The following SMURF1 variants were observed in gnomAD, a reference collection of about 807,000 sequenced individuals.
SMURF1 encodes SMAD specific E3 ubiquitin protein ligase 1, also known as E3 ubiquitin-protein ligase SMURF1.
In SMURF1, 44 loss-of-function variants were observed where a neutral mutation model predicts 98.0. That is an observed-to-expected ratio of 0.45 (90% CI 0.35 to 0.58). SMURF1 has a LOEUF of 0.58. Ranked by LOEUF, SMURF1 falls within the 20% of genes least tolerant of loss-of-function variation. The pLI is 0.00. For synonymous variants in SMURF1, 396 were observed against 374.9 expected, an observed-to-expected ratio of 1.06 and a Z score of -0.65; for missense variants, 687 against 938.4, an observed-to-expected ratio of 0.73 and a Z score of 3.50.
chr7:99,065,311 C>T (rs1334315036), intron 1 of SMURF1, among the ~76,000 whole-genome samples: 1 of 152,096 alleles, frequency 6.6e-6, no homozygotes, highest in Non-Finnish European at 1.5e-5. Flanking sequence ...GGGTCTGAAA[C>T]TCCTGGGTTC....
intron 1 of SMURF1, among the ~76,000 whole-genome samples, chr7:99,086,395 TAAA>T (rs55763626): frequency 2.8e-5 from 4 of 142,680 alleles, no homozygotes; most frequent in Non-Finnish European, 3.0e-5. Flanking sequence ...CTAAGATAGT[TAAA>T]AAAAAAAAAA....
intron 13 of SMURF1, among the ~76,000 whole-genome samples, chr7:99,039,613 C>T (rs1795296056): frequency 6.6e-6 from 1 of 152,134 alleles, no homozygotes; most frequent in Admixed American, 6.6e-5. Context: ...AGTGATCCAC[C>T]CACCTCGGCC....
At chr7:99,065,187 C>A (rs1178855190) in intron 1 of SMURF1, among the ~76,000 whole-genome samples, 1 of 151,890 alleles carries the variant, frequency 6.6e-6, no homozygotes, top group Admixed American at 6.6e-5. Context: ...TTGAGCTTCC[C>A]AGGCTCAGGT....
At chr7:99,136,613 T>C (rs904968071) in intron 1 of SMURF1, among the ~76,000 whole-genome samples, 18 of 152,216 alleles carry the variant, frequency 1.2e-4, no homozygotes, top group Admixed American at 9.8e-4. Context: ...CATCCCTGCA[T>C]TGTTCCTGAT....
chr7:99,135,584 T>G (rs182534982), intron 1 of SMURF1, among the ~76,000 whole-genome samples: 2 of 152,360 alleles, frequency 1.3e-5, no homozygotes, highest in Non-Finnish European at 2.9e-5. Flanking sequence ...TAAAACACTA[T>G]CTTATTATGT....
At chr7:99,053,461 G>T (rs1795809283) in intron 6 of SMURF1, among the ~76,000 whole-genome samples, 1 of 152,070 alleles carries the variant, frequency 6.6e-6, no homozygotes, top group Admixed American at 6.6e-5. Flanking sequence ...AAATACCGGT[G>T]TTCAGATTTC....
At chr7:99,119,164 G>A (rs1389570668) in intron 1 of SMURF1, among the ~76,000 whole-genome samples, 3 of 151,762 alleles carry the variant, frequency 2.0e-5, no homozygotes, top group African/African-American at 4.8e-5. Flanking sequence ...AAGGGGGATG[G>A]GGAGGTAGAG....
Position 99,133,810 on chromosome 7 carries a change from T to C in SMURF1, c.55+9916A>G, listed in dbSNP as rs146850938. On this transcript the variant is annotated intron_variant, in intron 1 of 17. Transcript: ENST00000361368. The stretch of plus-strand genomic sequence containing the variant: ...TATGGTATATGCCCATAATGGGATA[T>C]TGAACAGCAAAGAGAATGACTGACG... 1.8e-4 allele frequency among the ~76,000 whole-genome samples: 27 copies of C among 152,288 alleles called. No homozygotes were observed. In the East Asian group the frequency reaches 5.0e-3, roughly 28 times the overall value.
At chr7:99,075,919 T>C (rs1319671144) in intron 1 of SMURF1, among the ~76,000 whole-genome samples, 1 of 152,224 alleles carries the variant, frequency 6.6e-6, no homozygotes, top group Non-Finnish European at 1.5e-5. Context: ...TTGATGTTTA[T>C]GATTGATTTA....
Position 99,085,803 on chromosome 7 carries a change from A to G in SMURF1, c.56-23966T>C, listed in dbSNP as rs570846757. On this transcript the variant is annotated intron_variant, in intron 1 of 17. Transcript: ENST00000361368. Reference sequence around the variant, plus strand: ...AACTTCCAATCTTTTAACTGTCTCTACAGTTTTGCCTTTTCCAGAATGTCA... The same window carrying G: ...AACTTCCAATCTTTTAACTGTCTCTGCAGTTTTGCCTTTTCCAGAATGTCA... Among the ~76,000 whole-genome samples the G allele has an allele frequency of 5.9e-5, 9 of 152,308 alleles. No homozygotes were observed. In the East Asian group the frequency reaches 1.5e-3, roughly 26 times the overall value.
intron 13 of SMURF1, 90 bp downstream of exon 13, chr7:99,040,288 C>G (rs1051575343): frequency 1.6e-6 from 2 of 1,256,026 alleles, no homozygotes; most frequent in African/African-American, 2.0e-5. Flanking sequence ...CCAAAATACA[C>G]ACACACGCGC....
intron 1 of SMURF1, among the ~76,000 whole-genome samples, chr7:99,095,272 G>C (rs572975730): frequency 6.6e-6 from 1 of 152,034 alleles, no homozygotes; most frequent in Non-Finnish European, 1.5e-5. Flanking sequence ...TAGAGACGGG[G>C]TTTCACCATG....
rs143363074 is a variant in SMURF1, at chr7:99,115,119, G to A, written c.55+28607C>T. ...CAAATTCAACCCAAAGCAAGCAGAA[G>A]AAAGGAAATATTAAAGATTAGAGCA... On this transcript the variant is annotated intron_variant, in intron 1 of 17. Coordinates refer to ENST00000361368, the MANE Select transcript of SMURF1 (RefSeq NM_181349.3). 2.6e-3 allele frequency among the ~76,000 whole-genome samples: 398 copies of A among 151,664 alleles called. 2 individuals are homozygous for A. The highest frequency in any genetic ancestry group is 9.1e-3 in the African/African-American group (377 of 41,392).
At chr7:99,043,840 A>C (rs1189216262) in intron 11 of SMURF1, among the ~76,000 whole-genome samples, 1 of 152,102 alleles carries the variant, frequency 6.6e-6, no homozygotes, top group South Asian at 2.1e-4. Flanking sequence ...ACAGCATGAC[A>C]AGGGAGGACG....
At position 99,143,943 on chromosome 7, in the gene SMURF1, A is replaced by T. The variant is rs1399216116; in HGVS notation, c.-163T>A. ...GCCCAGGCGTCCGGGCGGCAGGCGGATGGTCGAGCCGGGAGATCGGCGCTT... is the reference window on the plus strand; with the variant it reads ...GCCCAGGCGTCCGGGCGGCAGGCGGTTGGTCGAGCCGGGAGATCGGCGCTT... On this transcript the variant is annotated 5_prime_UTR_variant, in exon 1 of 18. Transcript: ENST00000361368. 1.0e-5 allele frequency: 5 copies of T among 495,730 alleles called. No individual in the cohort carries two copies. Among genetic ancestry groups the T allele is most frequent in the African/African-American group, 2.1e-5 (1 of 48,020 alleles). The allele number at this position is 495,730 out of a possible 1,614,324, so 30.7% of individuals were successfully genotyped here.
chr7:99,127,596 A>T (rs1797774638), intron 1 of SMURF1, among the ~76,000 whole-genome samples: 1 of 152,230 alleles, frequency 6.6e-6, no homozygotes, highest in South Asian at 2.1e-4. Flanking sequence ...TTAACAAGGG[A>T]CAGAGGGGAA....
chr7:99,038,733 G>C (rs1322646110), intron 13 of SMURF1, among the ~76,000 whole-genome samples: 1 of 152,068 alleles, frequency 6.6e-6, no homozygotes, highest in Non-Finnish European at 1.5e-5. Context: ...CCGGCTCCTG[G>C]CTTCCACAGT....
chr7:99,040,059 T>C (rs1795312089), intron 13 of SMURF1, among the ~76,000 whole-genome samples: 1 of 152,060 alleles, frequency 6.6e-6, no homozygotes, highest in Admixed American at 6.5e-5. Context: ...AACTAGTCCA[T>C]GAAGAGAAAC....
chr7:99,078,686 T>C lies in SMURF1; in HGVS notation c.56-16849A>G, dbSNP rs1452542490. ...GATTCTCATAGGAGCATGAACCCTG[T>C]TGTGAACTGCGCATGCGAGGGGTCT... On this transcript the variant is annotated intron_variant, in intron 1 of 17. Transcript: ENST00000361368. Among the ~76,000 whole-genome samples, 3 of 152,186 alleles carry C rather than the reference T, an allele frequency of 2.0e-5. 1 individual carries two copies.
Sources: gnomAD v4.1 joint callset for allele counts (sites outside exome capture counted in the v4.1 genomes callset) on GRCh38, gnomAD v4.1.1 for gene constraint, MANE v1.5 for transcripts, NCBI Gene and HGNC (gene_info 2026-07-23, HGNC 2026-07-21) for gene names.